Variants in WDR49 observed in about 807,000 individuals in gnomAD.
WDR49 encodes WD repeat domain 49, also known as cilia- and flagella-associated protein 337.
WDR49 carries 107 observed loss-of-function variants against 119.5 expected under a neutral mutation model. That is an observed-to-expected ratio of 0.90 (90% CI 0.77 to 1.05). The LOEUF is 1.05. Among genes scored for constraint, WDR49 ranks in the 50% least tolerant of loss-of-function variants. The probability of loss-of-function intolerance (pLI) is 0.00; values close to 1 mark genes in which losing one functional copy is unlikely to be tolerated. For synonymous variants in WDR49, 425 were observed against 418.8 expected, an observed-to-expected ratio of 1.01 and a Z score of -0.18; for missense variants, 1,240 against 1,220.5, an observed-to-expected ratio of 1.02 and a Z score of -0.24.
chr3:167,483,031 G>A (rs1334929171), intron 18 of WDR49, among the ~76,000 whole-genome samples: 3 of 152,128 alleles, frequency 2.0e-5, no homozygotes, highest in South Asian at 4.2e-4. Flanking sequence ...AAGGGGGGTA[G>A]GAGAAGGAGA....
At chr3:167,585,252 T>C (rs1714745357) in intron 7 of WDR49, among the ~76,000 whole-genome samples, 1 of 152,146 alleles carries the variant, frequency 6.6e-6, no homozygotes, top group Admixed American at 6.6e-5. Context: ...CACTTTCATA[T>C]ACCCCTGATG....
At chr3:167,649,546 C>T (rs1020185441) in intron 2 of WDR49, among the ~76,000 whole-genome samples, 6 of 152,056 alleles carry the variant, frequency 3.9e-5, no homozygotes, top group Admixed American at 1.3e-4. Flanking sequence ...TTGTATTACC[C>T]GTTAAGCACA....
At chr3:167,605,749 T>C (rs1188297995) in intron 5 of WDR49, among the ~76,000 whole-genome samples, 1 of 152,110 alleles carries the variant, frequency 6.6e-6, no homozygotes, top group East Asian at 1.9e-4. Context: ...AAAAGGTAAA[T>C]TGAGAGCTGA....
chr3:167,494,830 A>T (rs1333385490), intron 18 of WDR49, among the ~76,000 whole-genome samples: 1 of 152,092 alleles, frequency 6.6e-6, no homozygotes, highest in Non-Finnish European at 1.5e-5. Flanking sequence ...TTGGACTGAA[A>T]ATGCAGAGTA....
rs548361921 is a variant in WDR49 at position 167,510,029 on chromosome 3, C to A, written c.2775-4613G>T. Reference sequence around the variant, plus strand: ...GTGAAATGCCTAATGTTAACAATGGCTTTACCACAGATATTTTCACCTTTT... The same window carrying A: ...GTGAAATGCCTAATGTTAACAATGGATTTACCACAGATATTTTCACCTTTT... On this transcript the variant is annotated intron_variant, in intron 16 of 18. Transcript: ENST00000682715. 2.6e-3 allele frequency among the ~76,000 whole-genome samples: 391 copies of A among 152,296 alleles called. 1 individual carries two copies. The highest frequency in any genetic ancestry group is 4.7e-3 in the Non-Finnish European group (323 of 68,020).
intron 8 of WDR49, among the ~76,000 whole-genome samples, chr3:167,563,717 C>A (rs932738809): frequency 6.6e-6 from 1 of 152,114 alleles, no homozygotes; most frequent in African/African-American, 2.4e-5. Context: ...TTAGCATATC[C>A]ATCACCTTAA....
At chr3:167,534,450 G>A (rs1752955778) in intron 11 of WDR49, among the ~76,000 whole-genome samples, 1 of 152,110 alleles carries the variant, frequency 6.6e-6, no homozygotes. Context: ...CACATTTCAG[G>A]ATGTGATCCT....
intron 7 of WDR49, 72 bp downstream of exon 7, chr3:167,602,055 A>G (rs1715795827): frequency 1.4e-6 from 2 of 1,463,154 alleles, no homozygotes; most frequent in Admixed American, 2.0e-5. Flanking sequence ...AGAGAAATTC[A>G]GATCCCAGAG....
intron 8 of WDR49, among the ~76,000 whole-genome samples, chr3:167,570,192 AT>A (rs1378355887): frequency 1.3e-5 from 2 of 152,196 alleles, no homozygotes; most frequent in East Asian, 3.9e-4. Context: ...GAAAATTTTC[AT>A]TGTGTAAATC....
chr3:167,479,481 T>G (rs184759601), intron 18 of WDR49, among the ~76,000 whole-genome samples: 1 of 152,200 alleles, frequency 6.6e-6, no homozygotes, highest in Non-Finnish European at 1.5e-5. Context: ...AGTGGTTATA[T>G]TGCGCATCAG....
At chr3:167,644,605 C>T (rs953596420) in intron 2 of WDR49, among the ~76,000 whole-genome samples, 27 of 152,066 alleles carry the variant, frequency 1.8e-4, no homozygotes, top group South Asian at 4.1e-4. Context: ...GTTATAAATA[C>T]TCCAGTTTGT....
chr3:167,541,418 T>C (rs1460854529), intron 10 of WDR49, among the ~76,000 whole-genome samples: 1 of 152,130 alleles, frequency 6.6e-6, no homozygotes, highest in Non-Finnish European at 1.5e-5. Flanking sequence ...AACAAAGTAA[T>C]TGCCAGCCAA....
intron 15 of WDR49, among the ~76,000 whole-genome samples, chr3:167,525,427 T>A (rs1414338861): frequency 1.3e-5 from 2 of 151,806 alleles, no homozygotes; most frequent in African/African-American, 2.4e-5. Context: ...GCTCTTTTTT[T>A]AAGAGAAATG....
chr3:167,551,331 G>A (rs1336209823), intron 10 of WDR49, among the ~76,000 whole-genome samples: 3 of 151,940 alleles, frequency 2.0e-5, no homozygotes, highest in Admixed American at 1.3e-4. Context: ...ATATATATGG[G>A]AAGGAAAGGG....
chr3:167,612,928 A>C (rs1716410827), intron 5 of WDR49, among the ~76,000 whole-genome samples: 1 of 152,228 alleles, frequency 6.6e-6, no homozygotes, highest in African/African-American at 2.4e-5. Flanking sequence ...CCTAGCAGGG[A>C]GGTGAGGATT....
chr3:167,487,644 G>C lies in WDR49; in HGVS notation c.3032-8648C>G, dbSNP rs74460302. ...CAAACTATTCATCTGACAAAGATTT[G>C]ACATCCAGCATCTATTAAAAGAAAA... On this transcript the variant is annotated intron_variant, in intron 18 of 18. Coordinates refer to ENST00000682715, the MANE Select transcript of WDR49 (RefSeq NM_001366157.1). Among the ~76,000 whole-genome samples, 1,374 of 151,976 alleles carry C rather than the reference G, an allele frequency of 9.0e-3. 6 individuals carry two copies. The highest frequency in any genetic ancestry group is 0.015 in the Non-Finnish European group (1,051 of 67,854).
chr3:167,627,622 G>T (rs762844190), intron 2 of WDR49, among the ~76,000 whole-genome samples: 1 of 152,104 alleles, frequency 6.6e-6, no homozygotes, highest in Non-Finnish European at 1.5e-5. Context: ...CTCTATTTAA[G>T]CTAGAAAAGG....
chr3:167,560,324 A>G lies in WDR49; in HGVS notation c.1510-96T>C, dbSNP rs1307496459. On this transcript the variant is annotated intron_variant, in intron 8 of 18. Transcript: ENST00000682715. The stretch of plus-strand genomic sequence containing the variant: ...TATCCAGCCTGTGCATTTCTAGTCC[A>G]AAGATCCCCCAACAGTCAGAGACAT... 2.4e-6 allele frequency: 3 copies of G among 1,242,184 alleles called. No homozygotes were observed. In the East Asian group the frequency reaches 7.7e-5, roughly 32 times the overall value. 76.9% of individuals were successfully genotyped at this position (1,242,184 alleles called of 1,614,324 possible).
Position 167,500,134 on chromosome 3 carries a change from A to G in WDR49, c.3031+19T>C. On this transcript the variant is annotated intron_variant, in intron 18 of 18. Transcript: ENST00000682715. Reference sequence around the variant, plus strand: ...TCCTGAAGAGGGATAATAGAGGTGTATGATGGCTGAGAACTTACTTTTAAA... The same window carrying G: ...TCCTGAAGAGGGATAATAGAGGTGTGTGATGGCTGAGAACTTACTTTTAAA... The G allele has an allele frequency of 6.5e-7, 1 of 1,545,298 alleles. No homozygotes were observed. Among genetic ancestry groups the G allele is most frequent in the Non-Finnish European group, 8.6e-7 (1 of 1,156,900 alleles).
Sources: allele counts gnomAD v4.1 joint callset (sites outside exome capture counted in the v4.1 genomes callset), GRCh38; gene constraint gnomAD v4.1.1; transcripts MANE v1.5; gene names NCBI Gene and HGNC (gene_info 2026-07-23, HGNC 2026-07-21).